Variants in CMSS1 observed in about 807,000 individuals in gnomAD.
CMSS1 encodes cms1 ribosomal small subunit homolog, also known as protein CMSS1.
In CMSS1, 33 loss-of-function variants were observed where a neutral mutation model predicts 43.5. That is an observed-to-expected ratio of 0.76 (90% CI 0.57 to 1.01). The LOEUF is 1.01. Among genes scored for constraint, CMSS1 ranks in the 50% least tolerant of loss-of-function variants. The pLI is 0.00. For synonymous variants in CMSS1, 115 were observed against 117.2 expected (o/e 0.98, Z 0.12); for missense variants, 313 against 326.4 (o/e 0.96, Z 0.32).
intron 1 of CMSS1, among the ~76,000 whole-genome samples, chr3:99,948,480 G>A (rs1708077612): frequency 6.9e-6 from 1 of 145,542 alleles, no homozygotes; most frequent in Non-Finnish European, 1.5e-5. Context: ...AGAATTGGAG[G>A]TTACAGTGAG....
At chr3:100,012,126 G>A (rs1710173867) in intron 1 of CMSS1, among the ~76,000 whole-genome samples, 1 of 152,086 alleles carries the variant, frequency 6.6e-6, no homozygotes. Flanking sequence ...CCTAAAAAAT[G>A]CAAAATGAAA....
Position 100,005,558 on chromosome 3 carries a change from C to T in CMSS1, c.65-141415C>T, listed in dbSNP as rs552731437. 2.4e-3 allele frequency among the ~76,000 whole-genome samples: 367 copies of T among 152,250 alleles called. 1 individual carries two copies. The highest frequency in any genetic ancestry group is 8.3e-3 in the African/African-American group (346 of 41,556). On this transcript the variant is annotated intron_variant, in intron 1 of 9. Transcript: ENST00000421999. ...GGAAATGTGAGTGTAGTGTAATAAA[C>T]CAAATTTTACAAGAATAACCTTTTA...
At chr3:99,920,641 T>A (rs139592743) in intron 1 of CMSS1, among the ~76,000 whole-genome samples, 88 of 152,310 alleles carry the variant, frequency 5.8e-4, no homozygotes, top group African/African-American at 2.1e-3. Flanking sequence ...GGGAACAGGC[T>A]TTCCTGAGCT....
At chr3:100,058,996 C>T (rs1241078256) in intron 1 of CMSS1, among the ~76,000 whole-genome samples, 1 of 152,254 alleles carries the variant, frequency 6.6e-6, no homozygotes, top group Non-Finnish European at 1.5e-5. Context: ...TAACATCCAT[C>T]TCTTCCAGTG....
chr3:100,177,685 T>G (rs1441210110), intron 9 of CMSS1, among the ~76,000 whole-genome samples: 1 of 152,212 alleles, frequency 6.6e-6, no homozygotes, highest in Non-Finnish European at 1.5e-5. Context: ...TTCATTTATA[T>G]AAATATTTTA....
intron 1 of CMSS1, among the ~76,000 whole-genome samples, chr3:100,010,755 C>T (rs1481403866): frequency 6.7e-6 from 1 of 148,970 alleles, no homozygotes; most frequent in African/African-American, 2.5e-5. Context: ...GCTGGGATTA[C>T]AGGTGCGCGC....
At chr3:100,114,494 CTG>C (rs374700618) in intron 1 of CMSS1, 227 of 153,428 alleles carry the variant, frequency 1.5e-3, no homozygotes, top group South Asian at 2.9e-3. Flanking sequence ...GTGAGCACGT[CTG>C]TGTGTGTGTG....
chr3:100,043,749 G>C (rs1227062374), intron 1 of CMSS1, among the ~76,000 whole-genome samples: 1 of 152,112 alleles, frequency 6.6e-6, no homozygotes, highest in East Asian at 1.9e-4. Context: ...ATACATTATA[G>C]AAAGAATCAA....
At chr3:100,145,997 G>GTTA (rs1187114098) in intron 1 of CMSS1, among the ~76,000 whole-genome samples, 2 of 152,172 alleles carry the variant, frequency 1.3e-5, no homozygotes, top group Non-Finnish European at 2.9e-5. Context: ...TTAACAAAAT[G>GTTA]GTTAAGTTGG....
At chr3:99,924,409 C>A in intron 1 of CMSS1, 1 of 1,613,614 alleles carries the variant, frequency 6.2e-7, no homozygotes, top group Middle Eastern at 1.7e-4. Flanking sequence ...CTTTGTCCAA[C>A]TACGAAAGAA....
intron 1 of CMSS1, among the ~76,000 whole-genome samples, chr3:99,917,841 T>C (rs1468559670): frequency 6.6e-6 from 1 of 152,194 alleles, no homozygotes; most frequent in African/African-American, 2.4e-5. Flanking sequence ...CCTCTTTTGG[T>C]AGTGGAGTTA....
intron 1 of CMSS1, among the ~76,000 whole-genome samples, chr3:99,861,494 T>C (rs1455570363): frequency 1.3e-5 from 2 of 152,286 alleles, no homozygotes; most frequent in Non-Finnish European, 2.9e-5. Flanking sequence ...TGTCCTCAGG[T>C]TCCTAATGCT....
chr3:99,829,090 A>T (rs1559647607), intron 1 of CMSS1, among the ~76,000 whole-genome samples: 1 of 152,060 alleles, frequency 6.6e-6, no homozygotes, highest in Non-Finnish European at 1.5e-5. Flanking sequence ...GGGGAATGGG[A>T]GTTCCTTTAC....
chr3:99,930,992 C>A (rs1331722713), intron 1 of CMSS1: 2 of 1,613,596 alleles, frequency 1.2e-6, no homozygotes, highest in South Asian at 2.2e-5. Context: ...TTGGGCTGAG[C>A]CCTCGGTATC....
At chr3:99,914,684 A>G (rs1190507805) in intron 1 of CMSS1, among the ~76,000 whole-genome samples, 3 of 152,274 alleles carry the variant, frequency 2.0e-5, no homozygotes, top group Non-Finnish European at 4.4e-5. Flanking sequence ...AAATAGGTTC[A>G]TAACTTTTGA....
chr3:100,007,135 A>G (rs1038163466), intron 1 of CMSS1, among the ~76,000 whole-genome samples: 6 of 152,106 alleles, frequency 3.9e-5, no homozygotes, highest in Non-Finnish European at 5.9e-5. Flanking sequence ...CCTATTGGTA[A>G]ATGTTTGAAA....
At chr3:99,931,015 A>T (rs1198539852) in intron 1 of CMSS1, 1 of 1,613,442 alleles carries the variant, frequency 6.2e-7, no homozygotes, top group South Asian at 1.1e-5. Flanking sequence ...TGCCTCTGGA[A>T]CGCATTCTTT....
At chr3:100,152,061 G>A (rs1193390180) in intron 2 of CMSS1, among the ~76,000 whole-genome samples, 1 of 152,170 alleles carries the variant, frequency 6.6e-6, no homozygotes, top group Non-Finnish European at 1.5e-5. Context: ...GAGGCACATG[G>A]AGTCATTGGT....
intron 2 of CMSS1, among the ~76,000 whole-genome samples, chr3:100,155,278 A>G (rs1271648371): frequency 3.3e-5 from 5 of 152,218 alleles, no homozygotes; most frequent in Non-Finnish European, 7.3e-5. Flanking sequence ...ATATTGTTCA[A>G]CACTGAGAGA....
Sources: allele counts gnomAD v4.1 joint callset (sites outside exome capture counted in the v4.1 genomes callset), GRCh38; gene constraint gnomAD v4.1.1; transcripts MANE v1.5; gene names NCBI Gene and HGNC (gene_info 2026-07-23, HGNC 2026-07-21).